ARHGAP22: variants seen among roughly 807,000 people sequenced by gnomAD.
The protein encoded by ARHGAP22 is rho GTPase-activating protein 22.
ARHGAP22 carries 48 observed loss-of-function variants against 59.1 expected under a neutral mutation model. The observed-to-expected ratio is 0.81, with a 90% CI of 0.64 to 1.03. ARHGAP22 has a LOEUF of 1.03. Among genes scored for constraint, ARHGAP22 ranks in the 50% least tolerant of loss-of-function variants. The pLI, the probability that ARHGAP22 is intolerant of heterozygous loss-of-function variation, is 0.00. For synonymous variants in ARHGAP22, 445 were observed against 416.4 expected, an observed-to-expected ratio of 1.07 and a Z score of -0.84; for missense variants, 1,015 against 958.7, an observed-to-expected ratio of 1.06 and a Z score of -0.78.
In ARHGAP22 at chr10:48,604,663, G is replaced by A. The variant is rs2060578859; in HGVS notation, c.34+100C>T. The A allele has an allele frequency of 8.2e-6, 13 of 1,578,206 alleles. No individual in the cohort carries two copies. In the South Asian group the frequency reaches 1.1e-4, roughly 14 times the overall value. On this transcript the variant is annotated intron_variant, in intron 1 of 9. Coordinates refer to ENST00000249601, the MANE Select transcript of ARHGAP22 (RefSeq NM_021226.4). ...CAGCGGCAATGGTCCCAGAACGCCC[G>A]CCCCATGTGACACATGGCGTGACGG... is the stretch of plus-strand genomic sequence containing the variant.
chr10:48,564,219 TC>T lies in ARHGAP22; in HGVS notation c.235-8670del, dbSNP rs138999021. Reference sequence around the variant, plus strand: ...ATGCACAAAAATGGATGCATAACAATCCTCAATGTAACATTTTTTACTACAC... The same window carrying T: ...ATGCACAAAAATGGATGCATAACAATCTCAATGTAACATTTTTTACTACAC... On this transcript the variant is annotated intron_variant, in intron 2 of 9. Transcript: ENST00000249601. 9.1e-3 allele frequency among the ~76,000 whole-genome samples: 1,389 copies of T among 152,300 alleles called. 24 individuals are homozygous for T. Among genetic ancestry groups the T allele is most frequent in the African/African-American group, 0.032 (1,331 of 41,554 alleles).
chr10:48,533,119 C>G (rs923483947), intron 3 of ARHGAP22, among the ~76,000 whole-genome samples: 1 of 151,994 alleles, frequency 6.6e-6, no homozygotes, highest in South Asian at 2.1e-4. Flanking sequence ...CCCCTGTCCC[C>G]GTACTGACCC....
intron 3 of ARHGAP22, among the ~76,000 whole-genome samples, chr10:48,490,194 A>G (rs1309121846): frequency 1.3e-5 from 2 of 152,188 alleles, no homozygotes; most frequent in Non-Finnish European, 2.9e-5. Context: ...ATGAAATGGG[A>G]CAGCCCCTTA....
At chr10:48,623,185 C>T (rs1447605237) in intron 1 of ARHGAP22, among the ~76,000 whole-genome samples, 1 of 152,184 alleles carries the variant, frequency 6.6e-6, no homozygotes, top group Non-Finnish European at 1.5e-5. Context: ...GCATTATCCT[C>T]CTGCCTTTAA....
chr10:48,581,420 C>G (rs893367778), intron 2 of ARHGAP22, among the ~76,000 whole-genome samples: 2 of 152,236 alleles, frequency 1.3e-5, no homozygotes, highest in Non-Finnish European at 2.9e-5. Context: ...TTTGTTCACA[C>G]TGCACAGCTA....
intron 3 of ARHGAP22, among the ~76,000 whole-genome samples, chr10:48,535,218 C>T (rs1814470): frequency 0.98 from 149,041 of 152,340 alleles, 72,979 homozygotes; most frequent in Middle Eastern, 1. Flanking sequence ...ATAAGGAAAC[C>T]GGGCACATCA....
At chr10:48,559,211 A>G (rs2135371540) in intron 2 of ARHGAP22, among the ~76,000 whole-genome samples, 1 of 152,336 alleles carries the variant, frequency 6.6e-6, no homozygotes, top group African/African-American at 2.4e-5. Context: ...CACAGTTTGC[A>G]CCTAGAACGG....
At chr10:48,527,798 C>T (rs1468776817) in intron 3 of ARHGAP22, among the ~76,000 whole-genome samples, 1 of 152,210 alleles carries the variant, frequency 6.6e-6, no homozygotes, top group Admixed American at 6.5e-5. Context: ...CTGCAAGGCT[C>T]TAGCTGTGCT....
intron 1 of ARHGAP22, among the ~76,000 whole-genome samples, chr10:48,588,185 A>T (rs954027338): frequency 1.3e-5 from 2 of 150,508 alleles, no homozygotes; most frequent in African/African-American, 4.9e-5. Flanking sequence ...GGCCATGTTC[A>T]CTGGGGCAAG....
At chr10:48,621,570 T>C (rs2061287232) in intron 1 of ARHGAP22, among the ~76,000 whole-genome samples, 1 of 152,202 alleles carries the variant, frequency 6.6e-6, no homozygotes, top group South Asian at 2.1e-4. Context: ...CCATCTAAAA[T>C]CTATTCATCC....
chr10:48,475,765 C>T (rs1564725875), intron 4 of ARHGAP22, among the ~76,000 whole-genome samples: 1 of 152,216 alleles, frequency 6.6e-6, no homozygotes, highest in Non-Finnish European at 1.5e-5. Context: ...GGTCTTTCCT[C>T]AACATGACAG....
At chr10:48,503,459 C>T (rs994249116) in intron 3 of ARHGAP22, among the ~76,000 whole-genome samples, 27 of 152,324 alleles carry the variant, frequency 1.8e-4, no homozygotes, top group Middle Eastern at 3.4e-3. Flanking sequence ...TTGGTATAAA[C>T]GATGTCAGTC....
chr10:48,539,543 G>A (rs1229373277), intron 3 of ARHGAP22, among the ~76,000 whole-genome samples: 5 of 151,646 alleles, frequency 3.3e-5, no homozygotes, highest in Non-Finnish European at 7.4e-5. Context: ...CGCCCGCCTC[G>A]GCCTCCCAAA....
intron 1 of ARHGAP22, among the ~76,000 whole-genome samples, chr10:48,612,109 C>T (rs889766444): frequency 6.6e-6 from 1 of 151,392 alleles, no homozygotes; most frequent in Admixed American, 6.6e-5. Flanking sequence ...GCGTGAGCCA[C>T]CACACCCAGC....
intron 2 of ARHGAP22, among the ~76,000 whole-genome samples, chr10:48,565,444 A>G (rs2166225): frequency 0.58 from 87,669 of 151,966 alleles, 27,558 homozygotes; most frequent in Admixed American, 0.69. Flanking sequence ...CTCCTCTGCA[A>G]TGTGGAGGTG....
intron 2 of ARHGAP22, among the ~76,000 whole-genome samples, chr10:48,580,773 C>T (rs2059062840): frequency 6.6e-6 from 1 of 151,666 alleles, no homozygotes; most frequent in South Asian, 2.1e-4. Flanking sequence ...AGTTGGTGGC[C>T]AGGTGAGGGC....
chr10:48,446,374 G>A lies in ARHGAP22; in HGVS notation c.*17C>T. On this transcript the variant is annotated 3_prime_UTR_variant, in exon 10 of 10. Coordinates refer to ENST00000249601, the MANE Select transcript of ARHGAP22 (RefSeq NM_021226.4). ...AGACCAGCAGACGTGGTACAGAAGT[G>A]AGCTCTGCCATTCCTTTTACTTTGG... 3 of 1,612,944 alleles carry A rather than the reference G, an allele frequency of 1.9e-6. No homozygotes were observed. The South Asian group carries it at 3.3e-5, about 18-fold the overall frequency.
intron 3 of ARHGAP22, among the ~76,000 whole-genome samples, chr10:48,499,956 T>G (rs1373846380): frequency 3.3e-5 from 5 of 152,260 alleles, no homozygotes; most frequent in Admixed American, 6.5e-5. Flanking sequence ...ACCAGATAAG[T>G]TGATTCTTAA....
At chr10:48,442,010 T>A (rs1463516076), downstream of ARHGAP22, among the ~76,000 whole-genome samples, 1 of 152,154 alleles carries the variant, frequency 6.6e-6, no homozygotes, top group Non-Finnish European at 1.5e-5. Flanking sequence ...CCATAAATGG[T>A]GGGCTGGGTA....
Sources: allele counts gnomAD v4.1 joint callset (sites outside exome capture counted in the v4.1 genomes callset), GRCh38; gene constraint gnomAD v4.1.1; transcripts MANE v1.5; gene names NCBI Gene and HGNC (gene_info 2026-07-23, HGNC 2026-07-21).